Variants in DAB1 observed in about 807,000 individuals in gnomAD.
DAB1 encodes the protein DAB adaptor protein 1.
DAB1 carries 15 observed loss-of-function variants against 64.6 expected under a neutral mutation model. That is an observed-to-expected ratio of 0.23 (90% CI 0.16 to 0.36). DAB1 has a LOEUF of 0.36. Ranked by LOEUF, DAB1 falls within the 10% of genes least tolerant of loss-of-function variation. The pLI is 1.00. For missense variants in DAB1, 596 were observed against 706.7 expected, an observed-to-expected ratio of 0.84 and a Z score of 1.78; for synonymous variants, 235 against 251.9, an observed-to-expected ratio of 0.93 and a Z score of 0.64.
intron 5 of DAB1, among the ~76,000 whole-genome samples, chr1:58,064,501 G>GC (rs1362478280): frequency 1.3e-5 from 2 of 152,080 alleles, no homozygotes; most frequent in Admixed American, 6.5e-5. Context: ...AATAAAGGCA[G>GC]CCCACTCCCT....
rs543799288 is a variant in DAB1 at position 57,326,001 on chromosome 1, CA to C, written c.-136-34836del. Among the ~76,000 whole-genome samples the C allele has an allele frequency of 3.8e-3, 584 of 152,226 alleles. 5 individuals carry two copies. Among genetic ancestry groups the C allele is most frequent in the African/African-American group, 0.013 (558 of 41,536 alleles). On this transcript the variant is annotated intron_variant, in intron 1 of 14. Coordinates refer to ENST00000371236, the MANE Select transcript of DAB1 (RefSeq NM_001365792.1). ...TTTCCAGCATTAAAGAAATCACCCG[CA>C]AATGATTTCATTTATCCAACAAGCA...
chr1:57,588,442 T>C (rs2101565663), intron 7 of DAB1, among the ~76,000 whole-genome samples: 1 of 152,348 alleles, frequency 6.6e-6, no homozygotes, highest in Non-Finnish European at 1.5e-5. Flanking sequence ...AATGAGTTTA[T>C]TGTGATCAAA....
At chr1:57,939,484 A>G (rs1645072608) in intron 5 of DAB1, among the ~76,000 whole-genome samples, 1 of 152,186 alleles carries the variant, frequency 6.6e-6, no homozygotes, top group Non-Finnish European at 1.5e-5. Context: ...ACTTTTAGAC[A>G]CTGTTCATTC....
intron 2 of DAB1, among the ~76,000 whole-genome samples, chr1:57,249,218 GA>G (rs5774333): frequency 0.59 from 88,986 of 151,908 alleles, 26,267 homozygotes; most frequent in Admixed American, 0.66. Flanking sequence ...TATGTATAGA[GA>G]AAAAAATCCA....
At chr1:57,690,929 A>T (rs1344605098) in intron 6 of DAB1, among the ~76,000 whole-genome samples, 1 of 152,132 alleles carries the variant, frequency 6.6e-6, no homozygotes, top group East Asian at 1.9e-4. Flanking sequence ...CCTGTTTACC[A>T]TTTGTGCATC....
At chr1:58,177,415 T>G (rs1330604374) in intron 4 of DAB1, among the ~76,000 whole-genome samples, 1 of 152,218 alleles carries the variant, frequency 6.6e-6, no homozygotes, top group Admixed American at 6.5e-5. Flanking sequence ...GTTGCCAAAA[T>G]TAAGGCTCAG....
chr1:58,117,782 C>T (rs1570373265), intron 5 of DAB1, among the ~76,000 whole-genome samples: 1 of 151,188 alleles, frequency 6.6e-6, no homozygotes, highest in East Asian at 1.9e-4. Flanking sequence ...AAAGGATAGC[C>T]ATGCTTCACT....
chr1:57,275,150 G>C (rs61767364), intron 2 of DAB1, among the ~76,000 whole-genome samples: 1 of 152,096 alleles, frequency 6.6e-6, no homozygotes, highest in Admixed American at 6.5e-5. Context: ...GAGAGAAAAA[G>C]AGAGAGAGAA....
At chr1:58,408,916 A>G (rs1432749426) in intron 3 of DAB1, among the ~76,000 whole-genome samples, 1 of 152,218 alleles carries the variant, frequency 6.6e-6, no homozygotes, top group African/African-American at 2.4e-5. Context: ...TAGAAGTCCC[A>G]GATACACACA....
intron 5 of DAB1, among the ~76,000 whole-genome samples, chr1:58,006,683 A>G (rs1646588724): frequency 6.6e-6 from 1 of 152,158 alleles, no homozygotes; most frequent in South Asian, 2.1e-4. Context: ...AGCCTACAAG[A>G]CAGGGCACCG....
intron 2 of DAB1, among the ~76,000 whole-genome samples, chr1:57,154,232 G>T (rs1401852948): frequency 6.6e-6 from 1 of 152,016 alleles, no homozygotes; most frequent in Admixed American, 6.6e-5. Context: ...TTACTCTCCA[G>T]CTCTATGAAT....
chr1:57,479,582 T>C (rs547824463), intron 7 of DAB1, among the ~76,000 whole-genome samples: 6 of 152,082 alleles, frequency 3.9e-5, no homozygotes, highest in Non-Finnish European at 8.8e-5. Context: ...ATTTTTGGCA[T>C]TCTTGTTGGG....
chr1:57,775,002 T>C (rs1649727317), intron 6 of DAB1, among the ~76,000 whole-genome samples: 1 of 151,674 alleles, frequency 6.6e-6, no homozygotes, highest in African/African-American at 2.4e-5. Context: ...TTTAAAGTTT[T>C]GCATTGCAAG....
At chr1:58,385,881 C>T (rs555504888) in intron 3 of DAB1, among the ~76,000 whole-genome samples, 5 of 152,236 alleles carry the variant, frequency 3.3e-5, no homozygotes, top group East Asian at 3.9e-4. Context: ...AATGTCAGAG[C>T]GAGGATTCCT....
chr1:57,197,343 CA>C (rs772162205), intron 2 of DAB1, among the ~76,000 whole-genome samples: 4,026 of 90,028 alleles, frequency 0.045, 78 homozygotes, highest in African/African-American at 0.09. Flanking sequence ...GACTTCATCT[CA>C]AAAAAAAAAA....
intron 7 of DAB1, among the ~76,000 whole-genome samples, chr1:57,551,392 G>C (rs192198165): frequency 3.1e-4 from 47 of 152,144 alleles, no homozygotes; most frequent in Admixed American, 1.3e-3. Flanking sequence ...CTGTGGCACA[G>C]GGCAGGTGCA....
At chr1:57,985,203 C>T (rs975019047) in intron 5 of DAB1, among the ~76,000 whole-genome samples, 5 of 152,186 alleles carry the variant, frequency 3.3e-5, no homozygotes, top group African/African-American at 4.8e-5. Flanking sequence ...CCACCACACC[C>T]GGCCTGCTTT....
intron 3 of DAB1, among the ~76,000 whole-genome samples, chr1:58,446,857 T>C (rs1004298331): frequency 2.0e-5 from 3 of 152,220 alleles, no homozygotes; most frequent in Non-Finnish European, 4.4e-5. Flanking sequence ...CAAGGCAAAC[T>C]AATGTGTCAC....
At chr1:58,391,999 C>T (rs1644480038) in intron 3 of DAB1, among the ~76,000 whole-genome samples, 1 of 152,194 alleles carries the variant, frequency 6.6e-6, no homozygotes, top group Non-Finnish European at 1.5e-5. Flanking sequence ...GGCACATAGG[C>T]ATTCATGAAG....
Sources: gnomAD v4.1 joint callset for allele counts (sites outside exome capture counted in the v4.1 genomes callset) on GRCh38, gnomAD v4.1.1 for gene constraint, MANE v1.5 for transcripts, NCBI Gene and HGNC (gene_info 2026-07-23, HGNC 2026-07-21) for gene names.